Variants in DGKB observed in about 807,000 individuals in gnomAD.
DGKB encodes 90 kDa diacylglycerol kinase.
Under a neutral mutation model 114.3 loss-of-function variants are expected in DGKB, and 67 were observed. The observed-to-expected ratio is 0.59, with a 90% CI of 0.48 to 0.72. The LOEUF (loss-of-function observed/expected upper bound fraction) is 0.72, where lower values mean the gene tolerates loss of function less well. Ranked by LOEUF, DGKB falls within the 30% of genes least tolerant of loss-of-function variation. DGKB has a pLI of 0.00. For missense variants in DGKB, 907 were observed against 975.2 expected, an observed-to-expected ratio of 0.93 and a Z score of 0.93; for synonymous variants, 398 against 323.1, an observed-to-expected ratio of 1.23 and a Z score of -2.49.
At chr7:14,202,101 T>C (rs1463231954) in intron 23 of DGKB, among the ~76,000 whole-genome samples, 1 of 152,060 alleles carries the variant, frequency 6.6e-6, no homozygotes, top group Non-Finnish European at 1.5e-5. Context: ...ATTAATGGAT[T>C]ATCTATAATG....
intron 2 of DGKB, among the ~76,000 whole-genome samples, chr7:14,768,077 C>G (rs571618709): frequency 6.6e-6 from 1 of 152,090 alleles, no homozygotes; most frequent in African/African-American, 2.4e-5. Flanking sequence ...TCTATTTATC[C>G]TGTGAGCATA....
At chr7:14,860,695 A>G (rs895041830) in intron 1 of DGKB, among the ~76,000 whole-genome samples, 1 of 151,934 alleles carries the variant, frequency 6.6e-6, no homozygotes, top group African/African-American at 2.4e-5. Context: ...TTGGAGTTTC[A>G]AAGCACACAG....
chr7:14,508,497 A>G (rs1787457980), intron 20 of DGKB, among the ~76,000 whole-genome samples: 1 of 152,202 alleles, frequency 6.6e-6, no homozygotes, highest in African/African-American at 2.4e-5. Context: ...TGTTGATTTT[A>G]GAAGGAAAAC....
At position 14,902,666 on chromosome 7, in the gene DGKB, C is replaced by G. The variant is rs2128239644; in HGVS notation, c.-262G>C. ...CTGCTTTTCCGGAGAGGAACTGGGA[C>G]TAGCCAGTTCTCAGGATCCTTTCCA... On this transcript the variant is annotated 5_prime_UTR_variant, in exon 1 of 26. Transcript: ENST00000402815. The G allele has an allele frequency of 6.6e-6, 1 of 152,344 alleles. No individual in the cohort carries two copies. Among genetic ancestry groups the G allele is most frequent in the Middle Eastern group, 3.4e-3 (1 of 296 alleles). The allele number at this position is 152,344 out of a possible 1,614,324, so 9.4% of individuals were successfully genotyped here.
chr7:14,352,590 A>G (rs1328282405), intron 21 of DGKB, among the ~76,000 whole-genome samples: 2 of 152,222 alleles, frequency 1.3e-5, no homozygotes, highest in Non-Finnish European at 2.9e-5. Context: ...TAAAATGTTT[A>G]AACAATAACC....
intron 1 of DGKB, among the ~76,000 whole-genome samples, chr7:14,899,242 G>A (rs569087298): frequency 3.9e-5 from 6 of 152,042 alleles, no homozygotes; most frequent in Non-Finnish European, 7.4e-5. Flanking sequence ...AAGAATCAGC[G>A]ATATGTCCAA....
chr7:14,851,006 A>T (rs1429869114), intron 1 of DGKB, among the ~76,000 whole-genome samples: 1 of 152,216 alleles, frequency 6.6e-6, no homozygotes, highest in Non-Finnish European at 1.5e-5. Context: ...GCATTTAAAG[A>T]AATAGCATGT....
intron 25 of DGKB, chr7:14,176,591 GATCT>G (rs544499209): frequency 1.7e-6 from 2 of 1,181,580 alleles, no homozygotes; most frequent in African/African-American, 1.6e-5. Flanking sequence ...GTTTATAATT[GATCT>G]ATTTAAAAGA....
At chr7:14,418,272 AT>A (rs892944798) in intron 21 of DGKB, among the ~76,000 whole-genome samples, 1 of 142,240 alleles carries the variant, frequency 7.0e-6, no homozygotes, top group Non-Finnish European at 1.5e-5. Context: ...ATGTATATAT[AT>A]TTTATATATG....
At chr7:14,962,333 T>A (rs1786895302) in intron 1 of DGKB, among the ~76,000 whole-genome samples, 1 of 152,178 alleles carries the variant, frequency 6.6e-6, no homozygotes, top group Non-Finnish European at 1.5e-5. Context: ...TTAAAAGATA[T>A]CCGACCTTTC....
chr7:14,907,359 G>T (rs1783763102), upstream of DGKB, among the ~76,000 whole-genome samples: 3 of 152,166 alleles, frequency 2.0e-5, no homozygotes, highest in South Asian at 6.2e-4. Flanking sequence ...TCAATTCCCA[G>T]CTAGGTTAAT....
chr7:14,881,989 C>T (rs1854302444), intron 1 of DGKB, among the ~76,000 whole-genome samples: 1 of 151,892 alleles, frequency 6.6e-6, no homozygotes, highest in Non-Finnish European at 1.5e-5. Context: ...TTACTAGTTC[C>T]TTTACTAAGG....
At chr7:14,288,175 C>T (rs866439767) in intron 23 of DGKB, among the ~76,000 whole-genome samples, 3 of 134,326 alleles carry the variant, frequency 2.2e-5, no homozygotes, top group Non-Finnish European at 4.6e-5. Context: ...ACTACCTGAA[C>T]TGATCAGGCA....
chr7:14,259,947 A>C (rs972877342), intron 23 of DGKB, among the ~76,000 whole-genome samples: 2 of 152,214 alleles, frequency 1.3e-5, no homozygotes, highest in African/African-American at 2.4e-5. Flanking sequence ...TCAATTTCAC[A>C]AGCATGTTAT....
chr7:14,182,627 T>C (rs1319784506), intron 23 of DGKB, among the ~76,000 whole-genome samples: 4 of 152,160 alleles, frequency 2.6e-5, no homozygotes, highest in Non-Finnish European at 5.9e-5. Context: ...GTGAAAATAA[T>C]TAGTGCTGCA....
At chr7:14,231,091 CTTTCTTTCTT>C in intron 23 of DGKB, among the ~76,000 whole-genome samples, 1 of 75,404 alleles carries the variant, frequency 1.3e-5, no homozygotes, top group South Asian at 4.4e-4. Context: ...CCCTTTCTTT[CTTTCTTTCTT>C]TCTTTCTTTC....
At chr7:14,722,048 C>G (rs891217219) in intron 5 of DGKB, among the ~76,000 whole-genome samples, 1 of 152,148 alleles carries the variant, frequency 6.6e-6, no homozygotes, top group African/African-American at 2.4e-5. Context: ...TATTCCTCCC[C>G]ACTACCAACA....
rs542946490 is a variant in DGKB, at chr7:14,324,138, G to A, written c.2122+14377C>T. 4.6e-5 allele frequency among the ~76,000 whole-genome samples: 7 copies of A among 152,038 alleles called. No individual in the cohort carries two copies. In the South Asian group the frequency reaches 6.2e-4, roughly 13 times the overall value. ...ATCATTTATGGGAAAAGAGCTATAC[G>A]CAAATTTTATATATGCATATGAAAG... is the stretch of plus-strand genomic sequence containing the variant. On this transcript the variant is annotated intron_variant, in intron 23 of 25. Transcript: ENST00000402815.
intron 17 of DGKB, among the ~76,000 whole-genome samples, chr7:14,593,499 A>G (rs1802024606): frequency 6.6e-6 from 1 of 152,020 alleles, no homozygotes; most frequent in Non-Finnish European, 1.5e-5. Context: ...GAATAGAAAC[A>G]CTAATATTTA....
Sources: allele counts gnomAD v4.1 joint callset (sites outside exome capture counted in the v4.1 genomes callset), GRCh38; gene constraint gnomAD v4.1.1; transcripts MANE v1.5; gene names NCBI Gene and HGNC (gene_info 2026-07-23, HGNC 2026-07-21).